Variants in TGFBR3 observed in about 807,000 individuals in gnomAD.
The protein encoded by TGFBR3 is transforming growth factor beta receptor 3.
A neutral mutation model predicts 87.9 loss-of-function variants in TGFBR3; 46 were observed. That is an observed-to-expected ratio of 0.52 (90% CI 0.41 to 0.67). The LOEUF is 0.67. TGFBR3 is among the 30% of genes least tolerant of loss of function. The probability of loss-of-function intolerance (pLI) is 0.00; values close to 1 mark genes in which losing one functional copy is unlikely to be tolerated. For missense variants in TGFBR3, 866 were observed against 1,041.9 expected, an observed-to-expected ratio of 0.83 and a Z score of 2.32; for synonymous variants, 381 against 391.6, an observed-to-expected ratio of 0.97 and a Z score of 0.32.
intron 2 of TGFBR3, among the ~76,000 whole-genome samples, chr1:91,845,113 A>T (rs780320329): frequency 6.6e-6 from 1 of 152,234 alleles, no homozygotes; most frequent in African/African-American, 2.4e-5. Flanking sequence ...GTTGAGTAAT[A>T]AACAGAAATA....
chr1:91,688,963 C>A (rs550937863), intron 16 of TGFBR3, among the ~76,000 whole-genome samples: 2 of 152,066 alleles, frequency 1.3e-5, no homozygotes, highest in Non-Finnish European at 2.9e-5. Flanking sequence ...AGACGGAAAC[C>A]CCAATGTGAC....
chr1:91,816,938 G>A (rs1471534973), intron 2 of TGFBR3, among the ~76,000 whole-genome samples: 1 of 152,046 alleles, frequency 6.6e-6, no homozygotes, highest in Non-Finnish European at 1.5e-5. Flanking sequence ...ACATCTTAAT[G>A]TCACCATATA....
At chr1:91,689,512 T>C (rs1174466080) in intron 16 of TGFBR3, among the ~76,000 whole-genome samples, 1 of 152,166 alleles carries the variant, frequency 6.6e-6, no homozygotes, top group Non-Finnish European at 1.5e-5. Context: ...AAAGAACGAA[T>C]ACATGAGTGA....
At chr1:91,726,866 T>C (rs1557679051) in intron 7 of TGFBR3, among the ~76,000 whole-genome samples, 1 of 141,494 alleles carries the variant, frequency 7.1e-6, no homozygotes, top group Non-Finnish European at 1.5e-5. Context: ...TCTTAAAAAA[T>C]AGGGAGGAGG....
chr1:91,719,979 C>G lies in TGFBR3; in HGVS notation c.1327G>C (p.Glu443Gln), dbSNP rs149771979. The G allele has an allele frequency of 6.2e-7, 1 of 1,614,218 alleles. No individual in the cohort carries two copies. Among genetic ancestry groups the G allele is most frequent in the East Asian group, 2.2e-5 (1 of 44,888 alleles). Residue 443 changes from glutamate to glutamine, a missense_variant, in exon 9 of 17, where the codon GAG becomes CAG. Transcript: ENST00000212355. ...GCAATATCCACGCTCCCTTGCACCT[C>G]TTCTGGCTCTCTGAGACCAGGAAAC... ...QLFPGLREPE[E>Q]VQGSVDIALS... is the part of the protein sequence containing the mutation.
At chr1:91,780,932 CAG>C (rs762269951) in intron 3 of TGFBR3, among the ~76,000 whole-genome samples, 1,370 of 130,840 alleles carry the variant, frequency 0.01, 11 homozygotes, top group Non-Finnish European at 0.016. Context: ...CACACACACA[CAG>C]AGATCTCATC....
At chr1:91,887,500 A>G (rs184110072), upstream of TGFBR3, among the ~76,000 whole-genome samples, 1,752 of 152,132 alleles carry the variant, frequency 0.012, 98 homozygotes, top group Admixed American at 0.09. Context: ...TCCTGAGCTC[A>G]AGAGATTCGC....
intron 2 of TGFBR3, among the ~76,000 whole-genome samples, chr1:91,845,808 C>A (rs1677445500): frequency 6.6e-6 from 1 of 152,106 alleles, no homozygotes; most frequent in Admixed American, 6.5e-5. Flanking sequence ...ACATGAGGAA[C>A]CTGACTTGTT....
At chr1:91,852,453 T>C (rs749271308) in intron 2 of TGFBR3, among the ~76,000 whole-genome samples, 1 of 152,254 alleles carries the variant, frequency 6.6e-6, no homozygotes, top group Non-Finnish European at 1.5e-5. Context: ...ATGCTGTTTC[T>C]GTAGAAAAAT....
intron 2 of TGFBR3, among the ~76,000 whole-genome samples, chr1:91,822,116 T>C (rs368792195): frequency 6.6e-6 from 1 of 152,056 alleles, no homozygotes; most frequent in South Asian, 2.1e-4. Context: ...ATGTGACCTA[T>C]TACCATATGG....
At chr1:91,900,303 AG>A (rs1679684971) in intron 1 of TGFBR3, among the ~76,000 whole-genome samples, 1 of 152,030 alleles carries the variant, frequency 6.6e-6, no homozygotes, top group Non-Finnish European at 1.5e-5. Context: ...TAGCAGAGAC[AG>A]GGTTTCACCA....
At chr1:91,892,687 G>A (rs1399320853) in intron 2 of TGFBR3, among the ~76,000 whole-genome samples, 1 of 152,156 alleles carries the variant, frequency 6.6e-6, no homozygotes, top group South Asian at 2.1e-4. Flanking sequence ...TCTCATCCTC[G>A]GATCATCATC....
chr1:91,726,976 G>A (rs983795929), intron 7 of TGFBR3, among the ~76,000 whole-genome samples: 3 of 152,174 alleles, frequency 2.0e-5, no homozygotes, highest in Non-Finnish European at 2.9e-5. Flanking sequence ...CAACTTTTGA[G>A]GAAACCAGCT....
intron 16 of TGFBR3, among the ~76,000 whole-genome samples, chr1:91,689,909 G>C (rs896575366): frequency 6.9e-6 from 1 of 144,790 alleles, no homozygotes; most frequent in Non-Finnish European, 1.5e-5. Context: ...TAAAGGCATT[G>C]ACTTGCATTC....
At chr1:91,884,454 C>T (rs1679215852) in intron 1 of TGFBR3, among the ~76,000 whole-genome samples, 1 of 152,126 alleles carries the variant, frequency 6.6e-6, no homozygotes, top group Admixed American at 6.5e-5. Flanking sequence ...ATCACAGATA[C>T]CTTATGTGTG....
chr1:91,754,251 C>A (rs1325468734), intron 4 of TGFBR3, among the ~76,000 whole-genome samples: 1 of 152,152 alleles, frequency 6.6e-6, no homozygotes, highest in East Asian at 1.9e-4. Flanking sequence ...CAGGCATCAT[C>A]ACCCAGTTAA....
intron 5 of TGFBR3, among the ~76,000 whole-genome samples, chr1:91,731,066 A>T (rs1178795440): frequency 2.0e-5 from 3 of 152,252 alleles, no homozygotes; most frequent in African/African-American, 4.8e-5. Context: ...GACAGCTGGG[A>T]CCAGTGTCAA....
At chr1:91,827,793 A>G (rs1199634529) in intron 2 of TGFBR3, among the ~76,000 whole-genome samples, 1 of 152,146 alleles carries the variant, frequency 6.6e-6, no homozygotes, top group African/African-American at 2.4e-5. Flanking sequence ...AACAACAATA[A>G]TAGTGCATGT....
chr1:91,758,871 G>C (rs1342120824), intron 3 of TGFBR3, 121 bp from the exon 4 acceptor site: 2 of 1,216,532 alleles, frequency 1.6e-6, no homozygotes, highest in South Asian at 2.5e-5. Context: ...CTATAATGTA[G>C]CTCAGATTCT....
Sources: gnomAD v4.1 joint callset for allele counts (sites outside exome capture counted in the v4.1 genomes callset) on GRCh38, gnomAD v4.1.1 for gene constraint, MANE v1.5 for transcripts, NCBI Gene and HGNC (gene_info 2026-07-23, HGNC 2026-07-21) for gene names.